The following CLIC5 variants were observed in gnomAD, a reference collection of about 807,000 sequenced individuals.
CLIC5 encodes chloride intracellular channel protein 5.
In CLIC5, 20 loss-of-function variants were observed where a neutral mutation model predicts 24.7. That is an observed-to-expected ratio of 0.81 (90% CI 0.57 to 1.18). The LOEUF is 1.18. CLIC5 is among the 50% of genes most tolerant of loss of function. The probability of loss-of-function intolerance (pLI) is 0.00; values close to 1 mark genes in which losing one functional copy is unlikely to be tolerated. For synonymous variants in CLIC5, 159 were observed against 135.6 expected, an observed-to-expected ratio of 1.17 and a Z score of -1.20; for missense variants, 341 against 326.1, an observed-to-expected ratio of 1.05 and a Z score of -0.35.
At chr6:45,973,571 T>C (rs1561975488) in intron 1 of CLIC5, among the ~76,000 whole-genome samples, 1 of 152,242 alleles carries the variant, frequency 6.6e-6, no homozygotes, top group South Asian at 2.1e-4. Flanking sequence ...CCTGTAGATA[T>C]ATATTCCTTT....
chr6:46,049,643 G>A (rs1018329329), intron 1 of CLIC5, among the ~76,000 whole-genome samples: 1 of 152,166 alleles, frequency 6.6e-6, no homozygotes, highest in Non-Finnish European at 1.5e-5. Context: ...CTGGCTGTGG[G>A]AATAGGCAGA....
chr6:46,006,405 A>C (rs1766585246), intron 1 of CLIC5, among the ~76,000 whole-genome samples: 1 of 151,310 alleles, frequency 6.6e-6, no homozygotes, highest in African/African-American at 2.4e-5. Context: ...CAGCCTCCCA[A>C]AGTGCTGGGA....
the CLIC5 span, among the ~76,000 whole-genome samples, chr6:46,089,575 C>G: frequency 2.6e-5 from 4 of 152,052 alleles, no homozygotes; most frequent in African/African-American, 9.7e-5. Context: ...GTAGAATTTG[C>G]TATCGGGTGA....
At chr6:46,114,696 C>A in the CLIC5 span, among the ~76,000 whole-genome samples, 2 of 152,158 alleles carry the variant, frequency 1.3e-5, no homozygotes, top group Non-Finnish European at 2.9e-5. Flanking sequence ...TTCAACCCTT[C>A]AGAATTATGA....
chr6:45,992,679 C>T (rs953268248), intron 1 of CLIC5, among the ~76,000 whole-genome samples: 3 of 152,174 alleles, frequency 2.0e-5, no homozygotes, highest in African/African-American at 7.2e-5. Context: ...ATCAGTGTTT[C>T]TCCACCCTAT....
At chr6:46,044,457 G>C (rs777937307) in intron 1 of CLIC5, among the ~76,000 whole-genome samples, 22 of 152,260 alleles carry the variant, frequency 1.4e-4, no homozygotes, top group Non-Finnish European at 2.4e-4. Context: ...TTAAGACCAG[G>C]CCTGTCCAGA....
intron 1 of CLIC5, among the ~76,000 whole-genome samples, chr6:45,956,149 T>A (rs537240205): frequency 6.6e-6 from 1 of 152,336 alleles, no homozygotes; most frequent in African/African-American, 2.4e-5. Flanking sequence ...TTTACTGCAC[T>A]TCTGAGTGGG....
the CLIC5 span, among the ~76,000 whole-genome samples, chr6:46,125,501 A>C: frequency 6.6e-6 from 1 of 152,216 alleles, no homozygotes; most frequent in Non-Finnish European, 1.5e-5. Context: ...GGTGTAGCAC[A>C]CCAACATGGC....
At chr6:46,089,973 C>T in the CLIC5 span, among the ~76,000 whole-genome samples, 1 of 152,182 alleles carries the variant, frequency 6.6e-6, no homozygotes, top group Non-Finnish European at 1.5e-5. Context: ...CACAGGAATG[C>T]AGTAAGCCAG....
intron 1 of CLIC5, among the ~76,000 whole-genome samples, chr6:46,031,832 GTCATT>G (rs952121764): frequency 2.0e-5 from 3 of 148,944 alleles, no homozygotes; most frequent in Non-Finnish European, 4.4e-5. Context: ...AGTGCATATA[GTCATT>G]TCATCTTTGT....
chr6:45,929,597 A>G (rs533053903), intron 4 of CLIC5, among the ~76,000 whole-genome samples: 108 of 152,334 alleles, frequency 7.1e-4, no homozygotes, highest in African/African-American at 2.1e-3. Context: ...AGGAGACAGC[A>G]ATGGCTGCTT....
At chr6:46,114,230 G>T in the CLIC5 span, among the ~76,000 whole-genome samples, 2 of 152,052 alleles carry the variant, frequency 1.3e-5, no homozygotes, top group Non-Finnish European at 2.9e-5. Context: ...TGTCTAGTTT[G>T]TCCGCTATTG....
chr6:46,021,657 T>A (rs1301770480), intron 1 of CLIC5, among the ~76,000 whole-genome samples: 1 of 152,200 alleles, frequency 6.6e-6, no homozygotes, highest in Non-Finnish European at 1.5e-5. Flanking sequence ...AAATGCCCCA[T>A]ATTAAGTGAA....
chr6:46,001,278 C>T (rs1321603340), intron 1 of CLIC5, among the ~76,000 whole-genome samples: 1 of 152,080 alleles, frequency 6.6e-6, no homozygotes, highest in Non-Finnish European at 1.5e-5. Context: ...AGCCTGGTGT[C>T]CCCCTATCAC....
chr6:45,986,549 G>A (rs895299357), intron 1 of CLIC5, among the ~76,000 whole-genome samples: 1 of 152,336 alleles, frequency 6.6e-6, no homozygotes, highest in Middle Eastern at 3.4e-3. Context: ...CCACTTTGGG[G>A]TCAAGAAGGA....
chr6:46,125,674 T>G, the CLIC5 span, among the ~76,000 whole-genome samples: 16 of 152,218 alleles, frequency 1.1e-4, no homozygotes, highest in East Asian at 3.1e-3. Context: ...GGATGGAGCT[T>G]CAGGTTAACT....
chr6:45,897,503 G>T (rs186420725), downstream of CLIC5, among the ~76,000 whole-genome samples: 1 of 152,106 alleles, frequency 6.6e-6, no homozygotes, highest in East Asian at 1.9e-4. Flanking sequence ...GATGGGAGTC[G>T]GGATGGTGGG....
At chr6:45,906,518 T>A (rs1405248694) in intron 5 of CLIC5, among the ~76,000 whole-genome samples, 1 of 152,130 alleles carries the variant, frequency 6.6e-6, no homozygotes, top group African/African-American at 2.4e-5. Flanking sequence ...GCTCTCAACT[T>A]TAATATTGTT....
the CLIC5 span, among the ~76,000 whole-genome samples, chr6:46,098,794 C>CA: frequency 1.3e-5 from 2 of 152,118 alleles, no homozygotes; most frequent in Non-Finnish European, 2.9e-5. Context: ...ATCAGAAAGT[C>CA]AAAGAGTCTG....
Sources: gnomAD v4.1 joint callset for allele counts (sites outside exome capture counted in the v4.1 genomes callset) on GRCh38, gnomAD v4.1.1 for gene constraint, MANE v1.5 for transcripts, NCBI Gene and HGNC (gene_info 2026-07-23, HGNC 2026-07-21) for gene names.